Variants in STARD13 observed in about 807,000 individuals in gnomAD.
STARD13 encodes the protein stAR-related lipid transfer protein 13.
In STARD13, 62 loss-of-function variants were observed where a neutral mutation model predicts 106.4. The ratio of observed to expected loss-of-function variants is 0.58; its 90% CI spans 0.48 to 0.72. The LOEUF is 0.72. Among genes scored for constraint, STARD13 ranks in the 30% least tolerant of loss-of-function variants. The pLI is 0.00. For missense variants in STARD13, 1,387 were observed against 1,424.0 expected (o/e 0.97, Z 0.42); for synonymous variants, 565 against 553.0 (o/e 1.02, Z -0.31).
the STARD13 span, among the ~76,000 whole-genome samples, chr13:33,391,569 A>G: frequency 1.3e-5 from 2 of 152,194 alleles, no homozygotes; most frequent in Non-Finnish European, 2.9e-5. Context: ...GCAGCTTATT[A>G]TGGACGTGAC....
rs1892026482 is a variant in STARD13, at chr13:33,285,715, G to C, written c.-77C>G. 1.3e-6 allele frequency: 2 copies of C among 1,581,394 alleles called. No homozygotes were observed. ...GTCTCCAGTCTCAGTCAAAGAGCAA[G>C]GCACCCAGCCCAGGACAGCTCAACA... On this transcript the variant is annotated 5_prime_UTR_variant, in exon 1 of 14. Coordinates refer to ENST00000336934, the MANE Select transcript of STARD13 (RefSeq NM_178006.4).
chr13:33,388,298 G>A, the STARD13 span, among the ~76,000 whole-genome samples: 1 of 152,208 alleles, frequency 6.6e-6, no homozygotes, highest in Non-Finnish European at 1.5e-5. Context: ...ACCAGGTTTA[G>A]AGCAAGTAGC....
At chr13:33,583,070 C>T in the STARD13 span, among the ~76,000 whole-genome samples, 2 of 152,150 alleles carry the variant, frequency 1.3e-5, no homozygotes, top group African/African-American at 4.8e-5. Flanking sequence ...GAAGGCTGTT[C>T]AAAACTAATT....
At chr13:33,217,676 G>C (rs1008849926) in intron 1 of STARD13, among the ~76,000 whole-genome samples, 1 of 152,292 alleles carries the variant, frequency 6.6e-6, no homozygotes, top group South Asian at 2.1e-4. Flanking sequence ...ACCTCCAAGA[G>C]AGCAAGGGAG....
the STARD13 span, among the ~76,000 whole-genome samples, chr13:33,376,284 G>C: frequency 6.6e-6 from 1 of 152,146 alleles, no homozygotes; most frequent in Non-Finnish European, 1.5e-5. Context: ...GCCAGGTACT[G>C]TTCTAAAGTG....
the STARD13 span, among the ~76,000 whole-genome samples, chr13:33,565,183 A>G: frequency 6.8e-6 from 1 of 146,352 alleles, no homozygotes; most frequent in Admixed American, 7.1e-5. Context: ...CGTGGATTTC[A>G]TGAAGATAGA....
the STARD13 span, among the ~76,000 whole-genome samples, chr13:33,619,925 G>A: frequency 2.2e-4 from 33 of 152,176 alleles, no homozygotes; most frequent in Middle Eastern, 3.4e-3. Flanking sequence ...TTAGCTGGGC[G>A]TGGTGGTGCA....
At chr13:33,112,036 C>T (rs1226437682) in intron 9 of STARD13, 144 bp from the exon 10 acceptor site, 8 of 593,788 alleles carry the variant, frequency 1.3e-5, no homozygotes, top group Non-Finnish European at 2.5e-5. Flanking sequence ...ACAATGATCA[C>T]ATATCTTAGA....
intron 1 of STARD13, among the ~76,000 whole-genome samples, chr13:33,190,588 C>CTTTTTTTTT (rs71196510): frequency 7.6e-6 from 1 of 131,206 alleles, no homozygotes; most frequent in Non-Finnish European, 1.6e-5. Context: ...CTTTTCTTTT[C>CTTTTTTTTT]TTTTTTTTTT....
chr13:33,404,826 G>A, the STARD13 span, among the ~76,000 whole-genome samples: 1 of 150,426 alleles, frequency 6.6e-6, no homozygotes, highest in Non-Finnish European at 1.5e-5. Flanking sequence ...GCCCAGGCTG[G>A]AGTGCAGTGG....
chr13:33,463,649 G>C, the STARD13 span, among the ~76,000 whole-genome samples: 1 of 152,266 alleles, frequency 6.6e-6, no homozygotes, highest in East Asian at 1.9e-4. Context: ...CATAGTTGGA[G>C]GTCTGGAGTG....
At chr13:33,589,442 A>G in the STARD13 span, among the ~76,000 whole-genome samples, 2 of 152,192 alleles carry the variant, frequency 1.3e-5, no homozygotes, top group Non-Finnish European at 2.9e-5. Context: ...ATTTTGTGCT[A>G]TAAATTTCCC....
intron 13 of STARD13, among the ~76,000 whole-genome samples, chr13:33,106,033 G>A (rs2764618): frequency 0.56 from 85,486 of 152,124 alleles, 24,408 homozygotes; most frequent in Admixed American, 0.62. Context: ...CCAAGAACTG[G>A]GTTTAGCATC....
intron 3 of STARD13, among the ~76,000 whole-genome samples, chr13:33,159,439 C>A (rs547668075): frequency 6.6e-6 from 1 of 152,290 alleles, no homozygotes; most frequent in Admixed American, 6.5e-5. Flanking sequence ...GATTCAACAC[C>A]CACATGTTTG....
At chr13:33,426,210 A>G in the STARD13 span, among the ~76,000 whole-genome samples, 1 of 152,148 alleles carries the variant, frequency 6.6e-6, no homozygotes, top group African/African-American at 2.4e-5. Context: ...AAGAATGCAT[A>G]TATGTTTTTG....
intron 1 of STARD13, among the ~76,000 whole-genome samples, chr13:33,234,586 A>G (rs1889094545): frequency 6.6e-6 from 1 of 152,236 alleles, no homozygotes. Context: ...TTTTAATGTT[A>G]TGAAATGTTA....
At chr13:33,184,946 T>C (rs1329166053) in intron 1 of STARD13, among the ~76,000 whole-genome samples, 1 of 152,240 alleles carries the variant, frequency 6.6e-6, no homozygotes, top group Non-Finnish European at 1.5e-5. Flanking sequence ...CATACTTCTT[T>C]TAATGCAACA....
intron 3 of STARD13, among the ~76,000 whole-genome samples, chr13:33,153,504 G>A (rs1434823056): frequency 6.6e-6 from 1 of 152,172 alleles, no homozygotes; most frequent in African/African-American, 2.4e-5. Flanking sequence ...CAGCCTGTGT[G>A]CCCTGAGTAT....
At chr13:33,650,253 C>T in the STARD13 span, among the ~76,000 whole-genome samples, 2,205 of 121,022 alleles carry the variant, frequency 0.018, 147 homozygotes, top group African/African-American at 0.07. Flanking sequence ...TGCAGTGGCG[C>T]GATCTCTGCT....
Sources: allele counts gnomAD v4.1 joint callset (sites outside exome capture counted in the v4.1 genomes callset), GRCh38; gene constraint gnomAD v4.1.1; transcripts MANE v1.5; gene names NCBI Gene and HGNC (gene_info 2026-07-23, HGNC 2026-07-21).